The following CNDP1 variants were observed in gnomAD, a reference collection of about 807,000 sequenced individuals.
The protein encoded by CNDP1 is carnosine dipeptidase 1, also known as beta-Ala-His dipeptidase.
Under a neutral mutation model 58.1 loss-of-function variants are expected in CNDP1, and 44 were observed. The ratio of observed to expected loss-of-function variants is 0.76; its 90% CI spans 0.60 to 0.97. CNDP1 has a LOEUF of 0.97. Ranked by LOEUF, CNDP1 falls within the 50% of genes least tolerant of loss-of-function variation. The pLI, the probability that CNDP1 is intolerant of heterozygous loss-of-function variation, is 0.00. For synonymous variants in CNDP1, 254 were observed against 252.6 expected, an observed-to-expected ratio of 1.01 and a Z score of -0.05; for missense variants, 616 against 655.1, an observed-to-expected ratio of 0.94 and a Z score of 0.65.
chr18:74,572,809 AAAGAAAG>A, intron 7 of CNDP1, among the ~76,000 whole-genome samples: 1 of 129,824 alleles, frequency 7.7e-6, no homozygotes, highest in African/African-American at 3.2e-5. Context: ...AAAAAAAAAA[AAAGAAAG>A]AAAGAAAGAA....
chr18:74,544,140 C>T (rs1005278094), intron 1 of CNDP1, among the ~76,000 whole-genome samples: 5 of 151,926 alleles, frequency 3.3e-5, no homozygotes, highest in African/African-American at 1.2e-4. Flanking sequence ...TAGTCCCAGC[C>T]ACTCAGGAGG....
At position 74,559,475 on chromosome 18, in the gene CNDP1, GCTGT is replaced by G. The variant is rs749486232; in HGVS notation, c.303+4_303+7del. 77 of 1,602,732 alleles carry G rather than the reference GCTGT, an allele frequency of 4.8e-5. No homozygotes were observed. The highest frequency in any genetic ancestry group is 4.4e-4 in the Admixed American group (26 of 58,684). The stretch of plus-strand genomic sequence containing the variant: ...CGGTGGACATGGGTCCTCAGCAGGT[GCTGT>G]ACGATTCCCTCCCACTGAGGGAGGT... On this transcript the variant is annotated splice_donor_5th_base_variant and intron_variant, in intron 3 of 11. Coordinates refer to ENST00000358821, the MANE Select transcript of CNDP1 (RefSeq NM_032649.6).
intron 1 of CNDP1, among the ~76,000 whole-genome samples, chr18:74,551,684 C>T (rs1599089553): frequency 6.6e-6 from 1 of 152,288 alleles, no homozygotes; most frequent in East Asian, 1.9e-4. Context: ...CTAAGCTGCT[C>T]TCCCCAGGCC....
At chr18:74,542,212 C>T (rs1388572789) in intron 1 of CNDP1, among the ~76,000 whole-genome samples, 2 of 152,240 alleles carry the variant, frequency 1.3e-5, no homozygotes, top group East Asian at 3.8e-4. Flanking sequence ...AGCCTTGTCC[C>T]TGCTGACAGG....
intron 2 of CNDP1, 72 bp downstream of exon 2, chr18:74,556,538 T>C: frequency 6.3e-7 from 1 of 1,578,208 alleles, no homozygotes; most frequent in East Asian, 2.2e-5. Context: ...GGTGAGACAA[T>C]TATTTGCTTG....
intron 11 of CNDP1, chr18:74,584,267 T>G (rs1042849662): frequency 1.9e-6 from 1 of 520,154 alleles, no homozygotes; most frequent in Non-Finnish European, 3.4e-6. Context: ...CAAGGAAAAT[T>G]CACTTTTGGA....
intron 9 of CNDP1, among the ~76,000 whole-genome samples, chr18:74,579,203 GCCTTCCCTTC>G (rs1555743780): frequency 0.43 from 54,270 of 125,140 alleles, 10,691 homozygotes; most frequent in Admixed American, 0.53. Flanking sequence ...CCCTTCCCTT[GCCTTCCCTTC>G]CCTTCCCTTC....
At chr18:74,538,531 T>C (rs758142402) in intron 1 of CNDP1, among the ~76,000 whole-genome samples, 2 of 152,222 alleles carry the variant, frequency 1.3e-5, no homozygotes, top group Non-Finnish European at 2.9e-5. Flanking sequence ...ACATGTATTT[T>C]CATTCCTCCA....
In CNDP1 at chr18:74,578,094, G is replaced by T. The variant is rs1338207592; in HGVS notation, c.1003-69G>T. ...TGGTGTCTCAGAGAGGCAGAGGGTG[G>T]TAACACAAGCAACCCAGGTCCACTG... On this transcript the variant is annotated intron_variant, in intron 8 of 11. Transcript: ENST00000358821. 11 of 1,431,126 alleles carry T rather than the reference G, an allele frequency of 7.7e-6. No individual in the cohort carries two copies. In the African/African-American group the frequency reaches 1.6e-4, roughly 20 times the overall value. 88.7% of individuals were successfully genotyped at this position (1,431,126 alleles called of 1,614,324 possible). A position where few individuals can be genotyped will look rare whatever the true frequency, so the allele number is the denominator to read the frequency against.
rs1346639896 is a variant in CNDP1, at chr18:74,579,208, C to CCCTTG, written c.1167+885_1167+886insGCCTT. 1.9e-3 allele frequency among the ~76,000 whole-genome samples: 71 copies of CCCTTG among 37,974 alleles called. No individual in the cohort carries two copies. In the Middle Eastern group the frequency reaches 0.031, roughly 17 times the overall value. The allele number at this position is 37,974 out of a possible 152,430, so 24.9% of individuals were successfully genotyped here. A position where few individuals can be genotyped will look rare whatever the true frequency, so the allele number is the denominator to read the frequency against. ...CCCTTTCCTTCCCTTCCCTTGCCTT[C>CCCTTG]CCTTCCCTTCCCTTCCCTTCCCTCA... On this transcript the variant is annotated intron_variant, in intron 9 of 11. Transcript: ENST00000358821.
chr18:74,540,206 A>ACG (rs1980583727), intron 1 of CNDP1, among the ~76,000 whole-genome samples: 1 of 145,164 alleles, frequency 6.9e-6, no homozygotes, highest in African/African-American at 2.6e-5. Flanking sequence ...TGCCCAGGCT[A>ACG]GAGTGCAATG....
Position 74,583,613 on chromosome 18 carries a change from C to G in CNDP1, c.1362C>G (p.Ala454=). The G allele has an allele frequency of 6.2e-7, 1 of 1,614,100 alleles. No individual in the cohort carries two copies. Among genetic ancestry groups the G allele is most frequent in the Non-Finnish European group, 8.5e-7 (1 of 1,179,982 alleles). ...MIRDGSTIPI[A]KMFQEIVHKS... ...GGGATGGATCCACCATTCCAATTGC[C>G]AAAATGTTCCAGGAGATCGTCCACA... Residue 454 remains alanine, a synonymous_variant, in exon 11 of 12, where the codon GCC becomes GCG. Coordinates refer to ENST00000358821, the MANE Select transcript of CNDP1 (RefSeq NM_032649.6).
At chr18:74,566,820 G>T (rs926650098) in intron 5 of CNDP1, among the ~76,000 whole-genome samples, 1 of 152,126 alleles carries the variant, frequency 6.6e-6, no homozygotes, top group African/African-American at 2.4e-5. Context: ...TATCTTTTCA[G>T]CAACAACCCA....
chr18:74,582,170 G>C (rs996963893), intron 10 of CNDP1, among the ~76,000 whole-genome samples: 12 of 152,200 alleles, frequency 7.9e-5, no homozygotes, highest in African/African-American at 2.2e-4. Context: ...ACAATAAATA[G>C]GTCTGAAATA....
At chr18:74,564,222 G>C (rs376944508) in intron 5 of CNDP1, among the ~76,000 whole-genome samples, 1 of 152,138 alleles carries the variant, frequency 6.6e-6, no homozygotes, top group African/African-American at 2.4e-5. Flanking sequence ...TTATCTGCTT[G>C]TAATCACTTT....
rs746041384 is a variant in CNDP1 at position 74,580,131 on chromosome 18, T to C, written c.1169T>C (p.Val390Ala). ...HMNVSAVEKQ[V>A]TRHLEDVFSK... The stretch of plus-strand genomic sequence containing the variant: ...ATCATTGAAAATGTCACCTTTTAGG[T>C]GACACGACATCTTGAAGATGTGTTC... Residue 390 changes from valine to alanine, a missense_variant and splice_region_variant, in exon 10 of 12, where the codon GTG (valine) becomes GCG (alanine). Coordinates refer to ENST00000358821, the MANE Select transcript of CNDP1 (RefSeq NM_032649.6). The C allele has an allele frequency of 6.2e-7, 1 of 1,612,234 alleles. No individual in the cohort carries two copies. The highest frequency in any genetic ancestry group is 1.1e-5 in the South Asian group (1 of 90,760).
chr18:74,567,506 T>A, intron 6 of CNDP1, 73 bp downstream of exon 6: 1 of 1,309,226 alleles, frequency 7.6e-7, no homozygotes, highest in Non-Finnish European at 1.1e-6. Flanking sequence ...CATTCTGGGA[T>A]CTTGGAGAGG....
intron 8 of CNDP1, 85 bp from the exon 9 acceptor site, chr18:74,578,078 A>G: frequency 8.1e-7 from 1 of 1,240,444 alleles, no homozygotes; most frequent in Middle Eastern, 2.9e-4. Context: ...ATGGTGTCTC[A>G]GAGAGGCAGA....
At position 74,578,195 on chromosome 18, in the gene CNDP1, A is replaced by C; in HGVS notation, c.1035A>C (p.Pro345=). 1 of 1,613,746 alleles carries C rather than the reference A, an allele frequency of 6.2e-7. No individual in the cohort carries two copies. Among genetic ancestry groups the C allele is most frequent in the South Asian group, 1.1e-5 (1 of 91,050 alleles). Reference sequence around the variant, plus strand: ...TTCTAATGCACCTCTGGAGGTACCCATCTCTTTCTATTCATGGGATCGAGG... The same window carrying C: ...TTCTAATGCACCTCTGGAGGTACCCCTCTCTTTCTATTCATGGGATCGAGG... ...EEILMHLWRY[P]SLSIHGIEGA... The change falls in exon 9 of 12, where the codon CCA becomes CCC. Residue 345 remains proline (P), a synonymous_variant. Transcript: ENST00000358821.
Sources: allele counts gnomAD v4.1 joint callset (sites outside exome capture counted in the v4.1 genomes callset), GRCh38; gene constraint gnomAD v4.1.1; transcripts MANE v1.5; gene names NCBI Gene and HGNC (gene_info 2026-07-23, HGNC 2026-07-21).